SLC25A13: variants seen among roughly 807,000 people sequenced by gnomAD.
SLC25A13 encodes the protein electrogenic aspartate/glutamate antiporter SLC25A13, mitochondrial.
In SLC25A13, 70 loss-of-function variants were observed where a neutral mutation model predicts 85.5. That is an observed-to-expected ratio of 0.82 (90% confidence interval 0.68 to 1.00). The LOEUF is 1.00. SLC25A13 is among the 50% of genes least tolerant of loss of function. The pLI is 0.00. For missense variants in SLC25A13, 765 were observed against 819.8 expected (o/e 0.93, Z 0.82); for synonymous variants, 259 against 288.7 (o/e 0.90, Z 1.04).
intron 5 of SLC25A13, among the ~76,000 whole-genome samples, chr7:96,203,308 A>T (rs1184669316): frequency 6.6e-6 from 1 of 152,194 alleles, no homozygotes; most frequent in African/African-American, 2.4e-5. Context: ...GAACTACTAA[A>T]TTTGAGTCTT....
chr7:96,251,703 T>C (rs939848266), intron 3 of SLC25A13, among the ~76,000 whole-genome samples: 2 of 152,272 alleles, frequency 1.3e-5, no homozygotes, highest in Non-Finnish European at 2.9e-5. Context: ...TGAGTCGTAC[T>C]ATTTTCTTTT....
intron 11 of SLC25A13, among the ~76,000 whole-genome samples, chr7:96,179,389 G>A (rs368931586): frequency 9.9e-5 from 15 of 152,162 alleles, no homozygotes; most frequent in African/African-American, 2.7e-4. Flanking sequence ...ATACCTACAC[G>A]TCTATCTTTT....
intron 15 of SLC25A13, among the ~76,000 whole-genome samples, chr7:96,128,973 T>TCTCTCTCTCTCC: frequency 6.6e-6 from 1 of 150,484 alleles, no homozygotes; most frequent in Non-Finnish European, 1.5e-5. Flanking sequence ...TCTCTCTCTC[T>TCTCTCTCTCTCC]CTCTCTCTCA....
chr7:96,164,117 G>A (rs150611846), intron 13 of SLC25A13, among the ~76,000 whole-genome samples: 1 of 152,302 alleles, frequency 6.6e-6, no homozygotes, highest in East Asian at 1.9e-4. Flanking sequence ...AATCCGGCTG[G>A]CCTATAACCT....
chr7:96,311,666 T>C (rs757538006), intron 1 of SLC25A13, among the ~76,000 whole-genome samples: 19 of 152,210 alleles, frequency 1.2e-4, no homozygotes, highest in Admixed American at 2.6e-4. Context: ...ACATGGGTTT[T>C]AGCATTCCTA....
intron 13 of SLC25A13, among the ~76,000 whole-genome samples, chr7:96,157,343 C>G (rs1272744208): frequency 1.3e-5 from 2 of 152,114 alleles, no homozygotes; most frequent in East Asian, 3.9e-4. Context: ...TGGTTCCTAT[C>G]ACTGCGTCTT....
At chr7:96,186,173 T>C (rs1794636914) in intron 9 of SLC25A13, among the ~76,000 whole-genome samples, 1 of 152,126 alleles carries the variant, frequency 6.6e-6, no homozygotes, top group South Asian at 2.1e-4. Context: ...CTCACACCTG[T>C]AATCCCAGCA....
intron 13 of SLC25A13, among the ~76,000 whole-genome samples, chr7:96,151,111 C>T (rs1163606732): frequency 6.6e-6 from 1 of 151,996 alleles, no homozygotes; most frequent in East Asian, 1.9e-4. Flanking sequence ...TTTGGTAGTC[C>T]AGGCAGAGAA....
intron 2 of SLC25A13, among the ~76,000 whole-genome samples, chr7:96,280,583 C>T (rs1455077501): frequency 3.9e-5 from 6 of 152,042 alleles, no homozygotes; most frequent in Non-Finnish European, 8.8e-5. Context: ...GGTAGGGTAA[C>T]GTGCACCTGT....
intron 13 of SLC25A13, among the ~76,000 whole-genome samples, chr7:96,154,746 T>C (rs1793191089): frequency 6.6e-6 from 1 of 152,108 alleles, no homozygotes; most frequent in Non-Finnish European, 1.5e-5. Flanking sequence ...CTCATCTTTT[T>C]CTTTTAAAAG....
chr7:96,170,055 G>C lies in SLC25A13; in HGVS notation c.1301C>G (p.Ala434Gly). Residue 434 changes from alanine to glycine, a missense_variant, in exon 13 of 18, where the codon GCT becomes GGT. Transcript: ENST00000265631. Reference sequence around the variant, plus strand: ...TCAAAAGGTACTTACGCAGCCTCCAGCAAGAATTTCTGCTGCAAGTGGGAC... The same window carrying C: ...TCAAAAGGTACTTACGCAGCCTCCACCAAGAATTTCTGCTGCAAGTGGGAC... ...GSVPLAAEIL[A>G]GGCAGGSQVI... The C allele has an allele frequency of 1.2e-6, 2 of 1,614,076 alleles. No individual in the cohort carries two copies. The highest frequency in any genetic ancestry group is 4.5e-5 in the East Asian group (2 of 44,882).
intron 14 of SLC25A13, among the ~76,000 whole-genome samples, chr7:96,134,445 G>T (rs1792177364): frequency 6.6e-6 from 1 of 152,076 alleles, no homozygotes; most frequent in African/African-American, 2.4e-5. Context: ...AAAAAAGGGG[G>T]CGAGGGGAGA....
chr7:96,282,920 T>C (rs1221525693), intron 2 of SLC25A13, among the ~76,000 whole-genome samples: 4 of 152,192 alleles, frequency 2.6e-5, no homozygotes, highest in African/African-American at 9.6e-5. Context: ...ACCAACAGAT[T>C]GGCATAAAGT....
At chr7:96,126,337 C>T (rs1402229638) in intron 15 of SLC25A13, among the ~76,000 whole-genome samples, 1 of 152,092 alleles carries the variant, frequency 6.6e-6, no homozygotes, top group Non-Finnish European at 1.5e-5. Context: ...TTTCCTGCAT[C>T]TGTGGTAGAA....
intron 13 of SLC25A13, among the ~76,000 whole-genome samples, chr7:96,155,277 T>C (rs1793217121): frequency 6.6e-6 from 1 of 152,116 alleles, no homozygotes; most frequent in African/African-American, 2.4e-5. Flanking sequence ...CTCTTACCAG[T>C]TGTGTAAGGA....
Position 96,322,085 on chromosome 7 carries a change from T to G in SLC25A13, c.-129A>C. The G allele has an allele frequency of 7.6e-7, 1 of 1,308,730 alleles. No individual in the cohort carries two copies. Among genetic ancestry groups the G allele is most frequent in the Non-Finnish European group, 1.1e-6 (1 of 948,500 alleles). 81.1% of individuals were successfully genotyped at this position (1,308,730 alleles called of 1,614,324 possible). A position where few individuals can be genotyped will look rare whatever the true frequency, so the allele number is the denominator to read the frequency against. On this transcript the variant is annotated 5_prime_UTR_variant, in exon 1 of 18. Transcript: ENST00000265631. ...CGGCGATACGGCCAGGCAGCGTGCG[T>G]TCCTGGCCTGCCTCCCCACGCCCTC... is the stretch of plus-strand genomic sequence containing the variant.
At chr7:96,171,996 A>G (rs1308262770) in intron 11 of SLC25A13, among the ~76,000 whole-genome samples, 2 of 151,882 alleles carry the variant, frequency 1.3e-5, no homozygotes, top group African/African-American at 4.8e-5. Flanking sequence ...ACACACACCA[A>G]GCTAACCCTG....
chr7:96,252,560 G>A (rs1797473778), intron 3 of SLC25A13, among the ~76,000 whole-genome samples: 2 of 152,096 alleles, frequency 1.3e-5, no homozygotes, highest in African/African-American at 4.8e-5. Flanking sequence ...ACCATGAGAT[G>A]GGACAAGATC....
chr7:96,184,309 A>G lies in SLC25A13; in HGVS notation c.1145T>C (p.Leu382Pro). The G allele has an allele frequency of 6.2e-7, 1 of 1,614,208 alleles. No homozygotes were observed. The highest frequency in any genetic ancestry group is 8.5e-7 in the Non-Finnish European group (1 of 1,180,028). Residue 382 changes from leucine (L) to proline (P), a missense_variant, in exon 11 of 18, where the codon CTA becomes CCA. By Grantham distance (98) the Leu-to-Pro change is moderately conservative. Coordinates refer to ENST00000265631, the MANE Select transcript of SLC25A13 (RefSeq NM_014251.3). ...KNSFDCFKKV[L>P]RYEGFFGLYR... The stretch of plus-strand genomic sequence containing the variant: ...CAGTCCAAAGAAGCCTTCATAGCGT[A>G]GCACTTTCTTAAAACAGTCAAAGCT...
Sources: allele counts gnomAD v4.1 joint callset (sites outside exome capture counted in the v4.1 genomes callset), GRCh38; gene constraint gnomAD v4.1.1; transcripts MANE v1.5; gene names NCBI Gene and HGNC (gene_info 2026-07-23, HGNC 2026-07-21).